Variants in DOCK2 observed in about 807,000 individuals in gnomAD.
DOCK2 encodes the protein dedicator of cytokinesis protein 2.
DOCK2 carries 87 observed loss-of-function variants against 248.9 expected under a neutral mutation model. That is an observed-to-expected ratio of 0.35 (90% CI 0.29 to 0.42). DOCK2 has a LOEUF of 0.42. Among genes scored for constraint, DOCK2 ranks in the 10% least tolerant of loss-of-function variants. The pLI is 1.00. For missense variants in DOCK2, 1,747 were observed against 2,300.2 expected, an observed-to-expected ratio of 0.76 and a Z score of 4.92; for synonymous variants, 805 against 821.6, an observed-to-expected ratio of 0.98 and a Z score of 0.35.
intron 27 of DOCK2, among the ~76,000 whole-genome samples, chr5:169,929,640 G>T (rs1775646332): frequency 6.6e-6 from 1 of 151,754 alleles, no homozygotes; most frequent in South Asian, 2.1e-4. Context: ...CTACTCGGAG[G>T]CTGAGGCAGG....
intron 25 of DOCK2, chr5:169,772,881 A>C (rs905495046): frequency 6.6e-6 from 1 of 152,224 alleles, no homozygotes; most frequent in Non-Finnish European, 1.5e-5. Context: ...GGGCAATTAC[A>C]TGATGCATTC....
At chr5:169,759,883 G>A in intron 24 of DOCK2, 108 bp downstream of exon 24, 1 of 1,197,976 alleles carries the variant, frequency 8.3e-7, no homozygotes, top group Non-Finnish European at 1.2e-6. Flanking sequence ...CTTGGGGATG[G>A]GGAAGACCTG....
chr5:170,078,921 AG>A (rs1323997794), intron 48 of DOCK2, 53 bp from the exon 49 acceptor site: 12 of 1,601,648 alleles, frequency 7.5e-6, no homozygotes, highest in Non-Finnish European at 6.0e-6. Context: ...CTTGCAAGGC[AG>A]TTCTACTGAA....
intron 27 of DOCK2, among the ~76,000 whole-genome samples, chr5:169,978,403 G>C (rs1413795467): frequency 1.5e-5 from 2 of 133,366 alleles, no homozygotes; most frequent in Non-Finnish European, 3.3e-5. Flanking sequence ...GGGGGGGGGG[G>C]GGTGTAGGTG....
At chr5:169,653,927 G>A (rs1156764704) in intron 1 of DOCK2, among the ~76,000 whole-genome samples, 1 of 152,184 alleles carries the variant, frequency 6.6e-6, no homozygotes, top group Non-Finnish European at 1.5e-5. Flanking sequence ...CTCAACCCCA[G>A]GCCTGGCTGA....
Position 169,712,126 on chromosome 5 carries a change from A to T in DOCK2, c.1562A>T (p.Asp521Val). The T allele has an allele frequency of 1.2e-6, 2 of 1,614,094 alleles. No individual in the cohort carries two copies. The highest frequency in any genetic ancestry group is 1.7e-6 in the Non-Finnish European group (2 of 1,179,952). Reference protein sequence around the residue: ...FRHRSSLESKDKGEKNFAMSY... With the variant: ...FRHRSSLESKVKGEKNFAMSY... ...CCCACAATGCTATTTCCAGCTAAAG[A>T]TAAAGGAGAAAAGAACTTTGCCATG... The change falls in exon 17 of 52, where the codon GAT (aspartate) becomes GTT (valine). Residue 521 changes from aspartate (D) to valine (V), a missense_variant. Coordinates refer to ENST00000520908, the MANE Select transcript of DOCK2 (RefSeq NM_004946.3).
intron 9 of DOCK2, among the ~76,000 whole-genome samples, chr5:169,689,847 C>T (rs904306242): frequency 5.9e-5 from 9 of 152,176 alleles, no homozygotes; most frequent in Admixed American, 5.9e-4. Flanking sequence ...TAGGATCATC[C>T]TTCTAAATAC....
chr5:169,899,439 G>A (rs970502610), intron 27 of DOCK2, among the ~76,000 whole-genome samples: 6 of 152,284 alleles, frequency 3.9e-5, no homozygotes, highest in African/African-American at 1.4e-4. Flanking sequence ...AAATAGGATG[G>A]CAAGTCAGCA....
intron 27 of DOCK2, among the ~76,000 whole-genome samples, chr5:169,842,951 C>T (rs1291485699): frequency 6.6e-6 from 1 of 152,148 alleles, no homozygotes; most frequent in Non-Finnish European, 1.5e-5. Flanking sequence ...CCAGGACACT[C>T]CCCTACTCTG....
At chr5:170,046,879 T>C (rs1756734107) in intron 39 of DOCK2, among the ~76,000 whole-genome samples, 1 of 152,142 alleles carries the variant, frequency 6.6e-6, no homozygotes. Context: ...ACATATATCT[T>C]CCAGATTGTA....
At chr5:169,903,313 A>T (rs1467082428) in intron 27 of DOCK2, among the ~76,000 whole-genome samples, 1 of 57,724 alleles carries the variant, frequency 1.7e-5, no homozygotes, top group Non-Finnish European at 4.6e-5. Flanking sequence ...AACAACAATA[A>T]AAAAAAAAAA....
chr5:169,753,953 T>C (rs1477997233), intron 23 of DOCK2, among the ~76,000 whole-genome samples: 3 of 152,178 alleles, frequency 2.0e-5, no homozygotes, highest in Non-Finnish European at 2.9e-5. Context: ...GGATTAAAAA[T>C]TGAGGGGAAT....
intron 25 of DOCK2, among the ~76,000 whole-genome samples, chr5:169,788,052 A>G (rs886180655): frequency 6.6e-6 from 1 of 152,104 alleles, no homozygotes; most frequent in Non-Finnish European, 1.5e-5. Flanking sequence ...TTCCTTTGAC[A>G]TCTCGTTTTG....
chr5:169,787,285 A>G (rs987559513), intron 25 of DOCK2, among the ~76,000 whole-genome samples: 1 of 152,226 alleles, frequency 6.6e-6, no homozygotes, highest in African/African-American at 2.4e-5. Flanking sequence ...TTCATAGTCC[A>G]GTTTATCATT....
At chr5:170,004,779 A>G (rs1490359049) in intron 30 of DOCK2, among the ~76,000 whole-genome samples, 8 of 149,004 alleles carry the variant, frequency 5.4e-5, no homozygotes, top group African/African-American at 7.5e-5. Flanking sequence ...GACATGGATG[A>G]AATTGGAAAC....
intron 2 of DOCK2, among the ~76,000 whole-genome samples, chr5:169,663,237 C>G (rs1020184212): frequency 6.6e-6 from 1 of 152,210 alleles, no homozygotes; most frequent in African/African-American, 2.4e-5. Context: ...AGGGATGGGT[C>G]CCCAAGGCCT....
chr5:169,734,541 G>C (rs902465226), intron 22 of DOCK2, among the ~76,000 whole-genome samples: 5 of 151,976 alleles, frequency 3.3e-5, no homozygotes, highest in African/African-American at 1.2e-4. Context: ...TCATTCACCT[G>C]GGGCAATACC....
At chr5:169,844,311 A>C (rs1033760029) in intron 27 of DOCK2, among the ~76,000 whole-genome samples, 3 of 152,206 alleles carry the variant, frequency 2.0e-5, no homozygotes, top group African/African-American at 7.2e-5. Flanking sequence ...ACAGCTTTAG[A>C]GATCAGCACA....
At chr5:169,782,775 A>G (rs1196245093) in intron 25 of DOCK2, among the ~76,000 whole-genome samples, 1 of 152,084 alleles carries the variant, frequency 6.6e-6, no homozygotes, top group Admixed American at 6.6e-5. Flanking sequence ...CCTGCTGCCT[A>G]CAGCTGCAAA....
Sources: allele counts gnomAD v4.1 joint callset (sites outside exome capture counted in the v4.1 genomes callset), GRCh38; gene constraint gnomAD v4.1.1; transcripts MANE v1.5; gene names NCBI Gene and HGNC (gene_info 2026-07-23, HGNC 2026-07-21).